Variants in EXOC1 observed in about 807,000 individuals in gnomAD.
EXOC1 encodes SEC3-like 1.
A neutral mutation model predicts 107.7 loss-of-function variants in EXOC1; 67 were observed. The ratio of observed to expected loss-of-function variants is 0.62; its 90% confidence interval spans 0.51 to 0.76. EXOC1 has a LOEUF of 0.76. Ranked by LOEUF, EXOC1 falls within the 30% of genes least tolerant of loss-of-function variation. The pLI, the probability that EXOC1 is intolerant of heterozygous loss-of-function variation, is 0.00. For missense variants in EXOC1, 833 were observed against 1,055.7 expected (o/e 0.79, Z 2.92); for synonymous variants, 348 against 353.5 (o/e 0.98, Z 0.17).
At chr4:55,867,007 T>C in intron 4 of EXOC1, 1 of 436,354 alleles carries the variant, frequency 2.3e-6, no homozygotes, top group Non-Finnish European at 3.0e-6. Context: ...ATTTTAAAAA[T>C]CTACATAGTA....
chr4:55,855,849 CAT>C (rs1560324833), intron 1 of EXOC1, among the ~76,000 whole-genome samples: 2 of 152,140 alleles, frequency 1.3e-5, no homozygotes, highest in Non-Finnish European at 2.9e-5. Context: ...GGCCCTACAA[CAT>C]ATTAAGGGAT....
chr4:55,890,528 T>C (rs751077307), intron 12 of EXOC1, 142 bp downstream of exon 12: 18 of 364,082 alleles, frequency 4.9e-5, no homozygotes, highest in Non-Finnish European at 6.4e-5. Flanking sequence ...GAATCGAATC[T>C]GGGAAAAAAA....
chr4:55,891,367 A>G lies in EXOC1; in HGVS notation c.1592A>G (p.Asp531Gly), dbSNP rs762617098. ...GAGCCCCTATGTCTGGCAGAACAGGACTTCATAAGTAAATTTTTCAAACTA... is the reference window on the plus strand; with the variant it reads ...GAGCCCCTATGTCTGGCAGAACAGGGCTTCATAAGTAAATTTTTCAAACTA... ...ELEPLCLAEQDFISKFFKLQQ... is the reference protein window; with the variant it reads ...ELEPLCLAEQGFISKFFKLQQ... Residue 531 changes from aspartate to glycine, a missense_variant, in exon 13 of 19, where the codon GAC becomes GGC. Around this residue, in one of 2 missense-constraint regions of EXOC1, gnomAD observed 617 missense variants for 701.3 expected, o/e 0.88. Coordinates refer to ENST00000381295, the MANE Select transcript of EXOC1 (RefSeq NM_001024924.2). 1.2e-6 allele frequency: 2 copies of G among 1,613,908 alleles called. No individual in the cohort carries two copies. Among genetic ancestry groups the G allele is most frequent in the African/African-American group, 2.7e-5 (2 of 74,910 alleles).
At position 55,893,740 on chromosome 4, in the gene EXOC1, A is replaced by G; in HGVS notation, c.1913A>G (p.Asn638Ser). 1.9e-6 allele frequency: 3 copies of G among 1,614,040 alleles called. No homozygotes were observed. Among genetic ancestry groups the G allele is most frequent in the Non-Finnish European group, 2.5e-6 (3 of 1,180,010 alleles). The stretch of plus-strand genomic sequence containing the variant: ...TCTTTCCTAAGTACTACATTGGGAA[A>G]TGTTTTGGTGACTGTCAAAAGGAAC... ...PASFLSTTLG[N>S]VLVTVKRNFD... The change falls in exon 15 of 19, where the codon AAT (asparagine) becomes AGT (serine). Residue 638 changes from asparagine to serine, a missense_variant. Transcript: ENST00000381295.
At chr4:55,904,249 C>A (rs1333703706) in intron 18 of EXOC1, 94 bp from the exon 19 acceptor site, 4 of 1,274,796 alleles carry the variant, frequency 3.1e-6, no homozygotes, top group Admixed American at 2.6e-5. Flanking sequence ...ACTATACTAC[C>A]CAAATTCTTA....
At chr4:55,872,654 G>A (rs938128911) in intron 8 of EXOC1, 3 of 311,402 alleles carry the variant, frequency 9.6e-6, no homozygotes, top group African/African-American at 2.3e-5. Context: ...GGAATATCTC[G>A]TTCATCAAGA....
chr4:55,902,302 A>C, intron 17 of EXOC1, 42 bp from the exon 18 acceptor site: 1 of 1,342,576 alleles, frequency 7.4e-7, no homozygotes, highest in Non-Finnish European at 9.7e-7. Flanking sequence ...AAATAATAAT[A>C]AATGCAGGTC....
chr4:55,884,501 A>C (rs976015550), intron 10 of EXOC1, among the ~76,000 whole-genome samples: 1 of 152,230 alleles, frequency 6.6e-6, no homozygotes, highest in Non-Finnish European at 1.5e-5. Flanking sequence ...GCTTTGATGC[A>C]TGTTAATTTT....
intron 2 of EXOC1, 49 bp from the exon 3 acceptor site, chr4:55,860,362 G>A: frequency 2.5e-6 from 4 of 1,604,340 alleles, no homozygotes; most frequent in Non-Finnish European, 3.4e-6. Flanking sequence ...AATGAAGAAT[G>A]AGTGAAAGGG....
At position 55,904,613 on chromosome 4, in the gene EXOC1, G is replaced by A; in HGVS notation, c.*118G>A. 1.0e-5 allele frequency: 11 copies of A among 1,063,506 alleles called. No individual in the cohort carries two copies. The highest frequency in any genetic ancestry group is 2.1e-5 in the South Asian group (1 of 48,548). 65.9% of individuals were successfully genotyped at this position (1,063,506 alleles called of 1,614,324 possible). A position where few individuals can be genotyped will look rare whatever the true frequency, so the allele number is the denominator to read the frequency against. ...CTTAAAATTTTATGTATTATTAAAT[G>A]TTAGATAAATGGGTAGTACCATACT... On this transcript the variant is annotated 3_prime_UTR_variant, in exon 19 of 19. Transcript: ENST00000381295.
intron 11 of EXOC1, 35 bp downstream of exon 11, chr4:55,888,967 A>G (rs753329696): frequency 6.2e-6 from 10 of 1,602,048 alleles, no homozygotes; most frequent in Admixed American, 1.7e-5. Flanking sequence ...GGTATTCTCA[A>G]TGCATGTTTG....
rs1334328300 is a variant in EXOC1 at position 55,903,811 on chromosome 4, A to G, written c.2533-532A>G. Among the ~76,000 whole-genome samples the G allele has an allele frequency of 3.3e-5, 5 of 152,194 alleles. No individual in the cohort carries two copies. In the East Asian group the frequency reaches 9.6e-4, roughly 29 times the overall value. ...CCTCCACTGTTAGATTATAAATCAC[A>G]TGATTGCAGATAATGGGTCTGAGTC... is the stretch of plus-strand genomic sequence containing the variant. On this transcript the variant is annotated intron_variant, in intron 18 of 18. Coordinates refer to ENST00000381295, the MANE Select transcript of EXOC1 (RefSeq NM_001024924.2).
rs540653122 is a variant in EXOC1, at chr4:55,893,735, G to A, written c.1908G>A (p.Leu636=). 2 of 1,613,930 alleles carry A rather than the reference G, an allele frequency of 1.2e-6. No individual in the cohort carries two copies. The change falls in exon 15 of 19, where the codon TTG becomes TTA. Residue 636 remains leucine, a synonymous_variant. Coordinates refer to ENST00000381295, the MANE Select transcript of EXOC1 (RefSeq NM_001024924.2). ...CTGCTTCTTTCCTAAGTACTACATT[G>A]GGAAATGTTTTGGTGACTGTCAAAA... ...VDPASFLSTT[L]GNVLVTVKRN...
In EXOC1 at chr4:55,896,625, A is replaced by C. The variant is rs567558622; in HGVS notation, c.1954-92A>C. On this transcript the variant is annotated intron_variant, in intron 15 of 18. Coordinates refer to ENST00000381295, the MANE Select transcript of EXOC1 (RefSeq NM_001024924.2). ...CTGCCTCTATGATATCTATGTATATATCTATATCTCCATCTATATATTTTG... is the reference window on the plus strand; with the variant it reads ...CTGCCTCTATGATATCTATGTATATCTCTATATCTCCATCTATATATTTTG... The C allele has an allele frequency of 1.9e-5, 19 of 1,024,404 alleles. No individual in the cohort carries two copies. In the African/African-American group the frequency reaches 2.7e-4, roughly 14 times the overall value. 63.5% of individuals were successfully genotyped at this position (1,024,404 alleles called of 1,614,324 possible).
At chr4:55,870,565 T>A (rs1293427074) in intron 5 of EXOC1, 113 bp from the exon 6 acceptor site, 12 of 996,050 alleles carry the variant, frequency 1.2e-5, no homozygotes, top group African/African-American at 1.6e-5. Flanking sequence ...GTTATGCTAC[T>A]TTCAAGGAAA....
In EXOC1 at chr4:55,905,012, A is replaced by G. The variant is rs1726444028; in HGVS notation, c.*517A>G. 6.6e-6 allele frequency: 1 copy of G among 152,272 alleles called. No homozygotes were observed. The highest frequency in any genetic ancestry group is 2.1e-4 in the South Asian group (1 of 4,836). 9.4% of individuals were successfully genotyped at this position (152,272 alleles called of 1,614,324 possible). A position where few individuals can be genotyped will look rare whatever the true frequency, so the allele number is the denominator to read the frequency against. ...ATAAATGTGAAATAAATTTTCAAAA[A>G]AGTTGACATTTGATAATATTTTTAG... On this transcript the variant is annotated 3_prime_UTR_variant, in exon 19 of 19. Transcript: ENST00000381295.
In EXOC1 at chr4:55,892,632, C is replaced by T; in HGVS notation, c.1648-3C>T. On this transcript the variant is annotated splice_polypyrimidine_tract_variant and splice_region_variant and intron_variant, in intron 13 of 18. Transcript: ENST00000381295. ...ATGTAAAGTGCCTGAATAATTTTTG[C>T]AGGCTGAAGCAGAGGACCTGGATGG... is the stretch of plus-strand genomic sequence containing the variant. 2 of 1,613,258 alleles carry T rather than the reference C, an allele frequency of 1.2e-6. No individual in the cohort carries two copies. The highest frequency in any genetic ancestry group is 1.7e-6 in the Non-Finnish European group (2 of 1,179,486).
intron 8 of EXOC1, chr4:55,877,525 G>C (rs757062926): frequency 9.1e-6 from 9 of 985,012 alleles, no homozygotes; most frequent in Non-Finnish European, 1.1e-5. Flanking sequence ...AATGTAGACT[G>C]TTTTGAATGA....
chr4:55,863,301 C>T (rs11733159), intron 3 of EXOC1, among the ~76,000 whole-genome samples: 3,056 of 152,172 alleles, frequency 0.02, 53 homozygotes, highest in Non-Finnish European at 0.033. Flanking sequence ...CTTGAAGAAA[C>T]TATAGTGTAA....
Sources: gnomAD v4.1 joint callset for allele counts (sites outside exome capture counted in the v4.1 genomes callset) on GRCh38, gnomAD v4.1.1 for gene constraint, gnomAD v4.1.1 regional missense constraint, MANE v1.5 for transcripts, NCBI Gene and HGNC (gene_info 2026-07-23, HGNC 2026-07-21) for gene names.